Variants in NEK1 observed in about 807,000 individuals in gnomAD.
The protein encoded by NEK1 is serine/threonine-protein kinase Nek1.
In NEK1, 137 loss-of-function variants were observed where a neutral mutation model predicts 182.1. The observed-to-expected ratio is 0.75, with a 90% CI of 0.65 to 0.87. The LOEUF is 0.87. Ranked by LOEUF, NEK1 falls within the 40% of genes least tolerant of loss-of-function variation. The pLI is 0.00. For synonymous variants in NEK1, 513 were observed against 492.2 expected (o/e 1.04, Z -0.56); for missense variants, 1,391 against 1,494.4 (o/e 0.93, Z 1.14).
chr4:169,421,685 T>G (rs917129764), intron 31 of NEK1, among the ~76,000 whole-genome samples: 2 of 152,148 alleles, frequency 1.3e-5, no homozygotes, highest in African/African-American at 2.4e-5. Flanking sequence ...GATGGTTAAG[T>G]TTCCTGAAGC....
chr4:169,460,514 T>C (rs935208961), intron 27 of NEK1, among the ~76,000 whole-genome samples: 1 of 151,930 alleles, frequency 6.6e-6, no homozygotes, highest in Admixed American at 6.6e-5. Context: ...AAGATGAGAT[T>C]TGGGTGGGGA....
chr4:169,441,750 C>T (rs1227197468), intron 27 of NEK1, among the ~76,000 whole-genome samples: 1 of 151,648 alleles, frequency 6.6e-6, no homozygotes, highest in Non-Finnish European at 1.5e-5. Context: ...CCCAGCCTGC[C>T]AGCACCCACA....
intron 23 of NEK1, among the ~76,000 whole-genome samples, chr4:169,495,756 G>C (rs1437104152): frequency 1.3e-5 from 2 of 152,134 alleles, no homozygotes; most frequent in Admixed American, 6.6e-5. Context: ...TGTTCCATTG[G>C]TCTATACCTC....
chr4:169,530,918 C>T lies in NEK1; in HGVS notation c.1665+6891G>A, dbSNP rs554287392. Among the ~76,000 whole-genome samples, 6 of 147,676 alleles carry T rather than the reference C, an allele frequency of 4.1e-5. No homozygotes were observed. In the South Asian group the frequency reaches 8.9e-4, roughly 22 times the overall value. On this transcript the variant is annotated intron_variant, in intron 19 of 35. Coordinates refer to ENST00000507142, the MANE Select transcript of NEK1 (RefSeq NM_001199397.3). The stretch of plus-strand genomic sequence containing the variant: ...AGTGCACCACCTGGGAAACAACATT[C>T]GGAAGGCAACTAGATAAACAGGACA...
intron 31 of NEK1, among the ~76,000 whole-genome samples, chr4:169,423,462 C>T (rs1372228469): frequency 6.6e-6 from 1 of 152,040 alleles, no homozygotes; most frequent in East Asian, 1.9e-4. Flanking sequence ...GATTCTTTTA[C>T]AGGCTAAAAT....
chr4:169,416,493 A>G (rs1381832984), intron 31 of NEK1, among the ~76,000 whole-genome samples: 2 of 152,256 alleles, frequency 1.3e-5, no homozygotes, highest in African/African-American at 4.8e-5. Flanking sequence ...GCATAAAGAT[A>G]TATTAATGTA....
intron 26 of NEK1, among the ~76,000 whole-genome samples, chr4:169,465,167 G>C (rs1452056467): frequency 2.0e-5 from 3 of 152,092 alleles, no homozygotes; most frequent in Non-Finnish European, 2.9e-5. Context: ...ATTTCTTAAA[G>C]GATGGTTAAA....
At chr4:169,591,416 C>T (rs770517444) in intron 5 of NEK1, among the ~76,000 whole-genome samples, 7 of 152,056 alleles carry the variant, frequency 4.6e-5, no homozygotes, top group Non-Finnish European at 1.0e-4. Flanking sequence ...AAGTGTTCCT[C>T]CTGCCTTGGC....
In NEK1 at chr4:169,585,485, G is replaced by A. The variant is rs886059235; in HGVS notation, c.671C>T (p.Ser224Phe). ...KIISGSFPPV[S>F]LHYSYDLRSL... ...GCGGAGATCATAGGAATAATGCAAA[G>A]ACACAGGTGGAAAAGATCCAGATAT... is the stretch of plus-strand genomic sequence containing the variant. Residue 224 changes from serine (S) to phenylalanine (F), a missense_variant, in exon 10 of 36, where the codon TCT (serine) becomes TTT (phenylalanine). Coordinates refer to ENST00000507142, the MANE Select transcript of NEK1 (RefSeq NM_001199397.3). The A allele has an allele frequency of 1.1e-5, 17 of 1,613,578 alleles. No homozygotes were observed. Among genetic ancestry groups the A allele is most frequent in the Non-Finnish European group, 1.4e-5 (17 of 1,179,666 alleles).
intron 23 of NEK1, among the ~76,000 whole-genome samples, chr4:169,480,901 T>C (rs1290069370): frequency 6.6e-6 from 1 of 152,214 alleles, no homozygotes; most frequent in Non-Finnish European, 1.5e-5. Flanking sequence ...ATCTGCAGCA[T>C]GTGATGCTGT....
intron 32 of NEK1, among the ~76,000 whole-genome samples, chr4:169,406,233 G>A (rs1231873195): frequency 6.6e-6 from 1 of 152,084 alleles, no homozygotes; most frequent in Non-Finnish European, 1.5e-5. Context: ...CCACACTCCA[G>A]CTAGGTGATA....
intron 27 of NEK1, among the ~76,000 whole-genome samples, chr4:169,441,254 G>A (rs1301824910): frequency 6.6e-6 from 1 of 152,210 alleles, no homozygotes; most frequent in African/African-American, 2.4e-5. Flanking sequence ...ATGTGCACTT[G>A]TGTGCACCTT....
At chr4:169,608,600 G>A (rs115360205) in intron 2 of NEK1, among the ~76,000 whole-genome samples, 1,655 of 152,124 alleles carry the variant, frequency 0.011, 28 homozygotes, top group African/African-American at 0.037. Context: ...CTATTACAAC[G>A]ATCTCATTTT....
chr4:169,414,633 G>A (rs1456970150), intron 31 of NEK1, among the ~76,000 whole-genome samples: 1 of 152,128 alleles, frequency 6.6e-6, no homozygotes, highest in African/African-American at 2.4e-5. Flanking sequence ...TTCTCAAGTG[G>A]GGAATGTGGA....
chr4:169,527,869 T>C (rs1422886755), intron 19 of NEK1, among the ~76,000 whole-genome samples: 3 of 151,802 alleles, frequency 2.0e-5, no homozygotes, highest in Non-Finnish European at 4.4e-5. Context: ...AACACACCAA[T>C]GAAAAGATAG....
intron 5 of NEK1, among the ~76,000 whole-genome samples, chr4:169,592,715 C>G (rs1768742014): frequency 1.3e-5 from 2 of 149,134 alleles, no homozygotes; most frequent in South Asian, 2.1e-4. Context: ...AAAAAAAACT[C>G]TCAGTTCAGT....
chr4:169,489,785 C>G (rs865913281), intron 23 of NEK1, among the ~76,000 whole-genome samples: 122 of 152,238 alleles, frequency 8.0e-4, no homozygotes, highest in African/African-American at 2.8e-3. Context: ...CATGCCAGTG[C>G]TGTGCCCTGA....
At chr4:169,606,359 G>GC (rs1005043981) in intron 2 of NEK1, among the ~76,000 whole-genome samples, 13 of 151,346 alleles carry the variant, frequency 8.6e-5, no homozygotes, top group African/African-American at 2.9e-4. Flanking sequence ...GAAGGCAACA[G>GC]CAATACAGTT....
At chr4:169,464,079 C>A (rs1744477858) in intron 26 of NEK1, among the ~76,000 whole-genome samples, 1 of 152,164 alleles carries the variant, frequency 6.6e-6, no homozygotes, top group East Asian at 1.9e-4. Flanking sequence ...CCATGTGGGC[C>A]CTCTATGGTT....
Sources: gnomAD v4.1 joint callset for allele counts (sites outside exome capture counted in the v4.1 genomes callset) on GRCh38, gnomAD v4.1.1 for gene constraint, MANE v1.5 for transcripts, NCBI Gene and HGNC (gene_info 2026-07-23, HGNC 2026-07-21) for gene names.